SENP1: variants seen among roughly 807,000 people sequenced by gnomAD.
The protein encoded by SENP1 is SUMO specific peptidase 1.
SENP1 carries 21 observed loss-of-function variants against 93.0 expected under a neutral mutation model. That is an observed-to-expected ratio of 0.23 (90% CI 0.16 to 0.33). The LOEUF (loss-of-function observed/expected upper bound fraction) is 0.33. SENP1 is among the 10% of genes least tolerant of loss of function. The pLI is 1.00. For missense variants in SENP1, 591 were observed against 758.7 expected (o/e 0.78, Z 2.60); for synonymous variants, 256 against 259.6 (o/e 0.99, Z 0.13).
intron 5 of SENP1, among the ~76,000 whole-genome samples, chr12:48,087,963 G>A (rs1218473492): frequency 6.6e-6 from 1 of 151,958 alleles, no homozygotes; most frequent in Non-Finnish European, 1.5e-5. Context: ...AAGTTTCTAA[G>A]CCAGATTTCA....
chr12:48,051,866 T>C (rs1941847353), intron 13 of SENP1, among the ~76,000 whole-genome samples: 1 of 152,220 alleles, frequency 6.6e-6, no homozygotes. Flanking sequence ...ATGAGTCCTG[T>C]GCTTGCTATT....
chr12:48,085,712 T>G (rs576197230), intron 5 of SENP1, among the ~76,000 whole-genome samples: 1 of 86,282 alleles, frequency 1.2e-5, no homozygotes, highest in East Asian at 6.0e-4. Flanking sequence ...TTCTTGCTTC[T>G]CTCAAAAAAA....
intron 2 of SENP1, among the ~76,000 whole-genome samples, chr12:48,099,671 G>A (rs1945791220): frequency 6.6e-6 from 1 of 152,034 alleles, no homozygotes; most frequent in Non-Finnish European, 1.5e-5. Context: ...AATACACCAG[G>A]CATAGTGGCA....
chr12:48,044,574 G>C lies in SENP1; in HGVS notation c.*748C>G, dbSNP rs1337029055. On this transcript the variant is annotated 3_prime_UTR_variant, in exon 18 of 18. Coordinates refer to ENST00000549518, the MANE Select transcript of SENP1 (RefSeq NM_001267594.2). Reference sequence around the variant, plus strand: ...GTTGCGCCACTGAAACCGCTCCCTGGGTGGGTCTTCCCCGTATCATGTGTT... The same window carrying C: ...GTTGCGCCACTGAAACCGCTCCCTGCGTGGGTCTTCCCCGTATCATGTGTT... The C allele has an allele frequency of 6.6e-6, 1 of 151,888 alleles. No individual in the cohort carries two copies. The highest frequency in any genetic ancestry group is 2.4e-5 in the African/African-American group (1 of 41,334). The allele number at this position is 151,888 out of a possible 1,614,324, so 9.4% of individuals were successfully genotyped here.
rs116753011 is a variant in SENP1 at position 48,103,079 on chromosome 12, C to A, written c.-44-1563G>T. On this transcript the variant is annotated intron_variant, in intron 1 of 17. Transcript: ENST00000549518. Reference sequence around the variant, plus strand: ...ATCTTATCAACTAATATATTAGCAACACTTTTTTGACATTTTAAAGTTGCT... The same window carrying A: ...ATCTTATCAACTAATATATTAGCAAAACTTTTTTGACATTTTAAAGTTGCT... Among the ~76,000 whole-genome samples, 1,209 of 152,182 alleles carry A rather than the reference C, an allele frequency of 7.9e-3. 29 individuals carry two copies. Among genetic ancestry groups the A allele is most frequent in the African/African-American group, 0.028 (1,145 of 41,530 alleles).
At chr12:48,089,064 C>A in intron 4 of SENP1, 104 bp from the exon 5 acceptor site, 1 of 1,536,044 alleles carries the variant, frequency 6.5e-7, no homozygotes, top group South Asian at 1.2e-5. Flanking sequence ...TGTGGCATGT[C>A]ACCATTTCTC....
chr12:48,084,621 G>C (rs1338850149), intron 5 of SENP1, among the ~76,000 whole-genome samples: 1 of 151,834 alleles, frequency 6.6e-6, no homozygotes, highest in Admixed American at 6.6e-5. Context: ...GGTGATTTTT[G>C]TATTTTTGTA....
At position 48,045,009 on chromosome 12, in the gene SENP1, A is replaced by C. The variant is rs1160249104; in HGVS notation, c.*313T>G. 2.8e-6 allele frequency: 1 copy of C among 357,532 alleles called. No homozygotes were observed. The highest frequency in any genetic ancestry group is 2.0e-5 in the African/African-American group (1 of 49,748). 22.1% of individuals were successfully genotyped at this position (357,532 alleles called of 1,614,324 possible). Reference sequence around the variant, plus strand: ...TTTCCAAGCTTTTCTCAGTCCCATAATTAGGGACTGAGTGAGGCTGGAGCC... The same window carrying C: ...TTTCCAAGCTTTTCTCAGTCCCATACTTAGGGACTGAGTGAGGCTGGAGCC... On this transcript the variant is annotated 3_prime_UTR_variant, in exon 18 of 18. Transcript: ENST00000549518.
chr12:48,095,609 A>G lies in SENP1; in HGVS notation c.220+734T>C, dbSNP rs535350373. On this transcript the variant is annotated intron_variant, in intron 4 of 17. Transcript: ENST00000549518. ...ATAACTGGTATTCCCATATTGTGGT[A>G]AGGCAAGGAGACTGAAGCATGAGGA... Among the ~76,000 whole-genome samples, 7 of 151,956 alleles carry G rather than the reference A, an allele frequency of 4.6e-5. No homozygotes were observed. In the South Asian group the frequency reaches 1.5e-3, roughly 32 times the overall value.
At chr12:48,048,236 G>C (rs894709408) in intron 14 of SENP1, among the ~76,000 whole-genome samples, 156 bp from the exon 15 acceptor site, 4 of 151,992 alleles carry the variant, frequency 2.6e-5, no homozygotes, top group East Asian at 3.8e-4. Context: ...TTAATCTGTA[G>C]AGAAAAAAAA....
intron 5 of SENP1, among the ~76,000 whole-genome samples, chr12:48,084,597 C>T (rs755875622): frequency 5.1e-4 from 77 of 151,886 alleles, no homozygotes; most frequent in Non-Finnish European, 8.4e-4. Flanking sequence ...TACAGGCACC[C>T]GCCGCCACAC....
chr12:48,048,464 T>A (rs537410404), intron 14 of SENP1, among the ~76,000 whole-genome samples: 3 of 152,356 alleles, frequency 2.0e-5, no homozygotes, highest in African/African-American at 7.2e-5. Context: ...TTTCTTTATA[T>A]TGAGAAGTTC....
chr12:48,046,833 A>C (rs1455880519), intron 16 of SENP1, 145 bp downstream of exon 16: 1 of 610,970 alleles, frequency 1.6e-6, no homozygotes, highest in Non-Finnish European at 2.9e-6. Flanking sequence ...GGATAGCTTA[A>C]TTTATCCTCC....
intron 5 of SENP1, among the ~76,000 whole-genome samples, chr12:48,086,156 T>G (rs1944846704): frequency 6.6e-6 from 1 of 152,212 alleles, no homozygotes; most frequent in Admixed American, 6.5e-5. Flanking sequence ...CAAATTCATT[T>G]GAAACATATG....
rs552241423 is a variant in SENP1, at chr12:48,073,841, T to C, written c.940+483A>G. Among the ~76,000 whole-genome samples the C allele has an allele frequency of 2.4e-4, 37 of 152,352 alleles. 1 individual carries two copies. In the South Asian group the frequency reaches 7.7e-3, roughly 32 times the overall value. ...CTGAAGCAATTGGGCTGAGTATATA[T>C]ACTTTGACTCTAGCCTGTACTTAGG... On this transcript the variant is annotated intron_variant, in intron 8 of 17. Transcript: ENST00000549518.
intron 13 of SENP1, among the ~76,000 whole-genome samples, chr12:48,060,187 G>A (rs1019322255): frequency 6.6e-6 from 1 of 152,114 alleles, no homozygotes; most frequent in Admixed American, 6.6e-5. Flanking sequence ...TCTGAAAATT[G>A]TTGTTTCATC....
chr12:48,047,040 T>C lies in SENP1; in HGVS notation c.1714A>G (p.Ile572Val). ...ILLQYLKQES[I>V]DKKRKEFDTN... ...TCAAACTCTTTCCTTTTCTTGTCAA[T>C]GCTTTCTTGCTTTAGGTATTGCCTA... is the stretch of plus-strand genomic sequence containing the variant. Residue 572 changes from isoleucine (I) to valine (V), a missense_variant, in exon 16 of 18, where the codon ATT becomes GTT. Coordinates refer to ENST00000549518, the MANE Select transcript of SENP1 (RefSeq NM_001267594.2). 6.2e-7 allele frequency: 1 copy of C among 1,612,488 alleles called. No individual in the cohort carries two copies. Among genetic ancestry groups the C allele is most frequent in the Non-Finnish European group, 8.5e-7 (1 of 1,178,748 alleles).
chr12:48,096,692 G>C (rs1270301707), intron 3 of SENP1, among the ~76,000 whole-genome samples: 1 of 152,116 alleles, frequency 6.6e-6, no homozygotes, highest in Admixed American at 6.6e-5. Flanking sequence ...CTGACCTCAG[G>C]TGATCCGCCC....
intron 13 of SENP1, chr12:48,055,392 G>A (rs1247541452): frequency 1.3e-5 from 2 of 152,434 alleles, no homozygotes; most frequent in Non-Finnish European, 2.9e-5. Flanking sequence ...CCAAAGATCA[G>A]ACTGAAGCAA....
Sources: allele counts gnomAD v4.1 joint callset (sites outside exome capture counted in the v4.1 genomes callset), GRCh38; gene constraint gnomAD v4.1.1; transcripts MANE v1.5; gene names NCBI Gene and HGNC (gene_info 2026-07-23, HGNC 2026-07-21).